Variants in TMEM80 observed in about 807,000 individuals in gnomAD.
TMEM80 encodes the protein transmembrane protein 80.
A neutral mutation model predicts 13.6 loss-of-function variants in TMEM80; 16 were observed. The observed-to-expected ratio is 1.17, with a 90% confidence interval of 0.79 to 1.78. The LOEUF (loss-of-function observed/expected upper bound fraction) is 1.78, where lower values mean the gene tolerates loss of function less well. Among genes scored for constraint, TMEM80 ranks in the 40% most tolerant of loss-of-function variants. TMEM80 has a pLI of 0.00. For missense variants in TMEM80, 167 were observed against 184.6 expected, an observed-to-expected ratio of 0.90 and a Z score of 0.55; for synonymous variants, 92 against 89.5, an observed-to-expected ratio of 1.03 and a Z score of -0.16.
downstream of TMEM80, chr11:704,380 G>A (rs1455239280): frequency 5.3e-6 from 6 of 1,133,490 alleles, no homozygotes; most frequent in Admixed American, 9.3e-5. Context: ...TGTCTTCGTG[G>A]AAGCGGTGGG....
In TMEM80 at chr11:695,857, G is replaced by T. The variant is rs1263532430; in HGVS notation, c.19+11G>T. On this transcript the variant is annotated intron_variant, in intron 1 of 4. Transcript: ENST00000397510. ...CGGCCCCGCGGCGAGGTGAGCTCGG[G>T]CGGGGTGGGGGCTTCCGGGCTTGCA... is the stretch of plus-strand genomic sequence containing the variant. The T allele has an allele frequency of 1.1e-5, 13 of 1,228,856 alleles. No homozygotes were observed. The highest frequency in any genetic ancestry group is 6.2e-4 in the Middle Eastern group (2 of 3,206). The allele number at this position is 1,228,856 out of a possible 1,614,324, so 76.1% of individuals were successfully genotyped here.
intron 4 of TMEM80, 169 bp downstream of exon 4, chr11:700,876 C>G: frequency 1.5e-6 from 1 of 673,030 alleles, no homozygotes; most frequent in South Asian, 1.7e-5. Flanking sequence ...AAGTATTAAT[C>G]AAGAAGTTTT....
At chr11:698,251 CAA>C (rs1257389486) in intron 1 of TMEM80, among the ~76,000 whole-genome samples, 2 of 150,486 alleles carry the variant, frequency 1.3e-5, no homozygotes, top group African/African-American at 4.9e-5. Context: ...ACCTCAGAAT[CAA>C]AAAGGAGGAA....
intron 3 of TMEM80, 68 bp from the exon 4 acceptor site, chr11:700,547 G>T: frequency 6.6e-6 from 8 of 1,213,254 alleles, no homozygotes; most frequent in Non-Finnish European, 9.6e-6. Context: ...AAAAGGAAAA[G>T]GCAAGCTGAG....
chr11:702,873 C>A, intron 4 of TMEM80, 72 bp from the exon 5 acceptor site: 1 of 1,452,350 alleles, frequency 6.9e-7, no homozygotes, highest in Non-Finnish European at 9.4e-7. Context: ...AGCAGCCCTC[C>A]AGGCACCTGT....
Position 702,985 on chromosome 11 carries a change from C to T in TMEM80, c.267C>T (p.Ala89=), listed in dbSNP as rs775423041. ...GNLTEAERPL[A]ASLALTAGTA... is the part of the protein sequence containing the mutation. The stretch of plus-strand genomic sequence containing the variant: ...TGACAGAGGCTGAGAGGCCGCTGGC[C>T]GCCAGCCTGGCCCTCACGGCTGGCA... Residue 89 remains alanine (A), a synonymous_variant, in exon 5 of 5, where the codon GCC becomes GCT. Transcript: ENST00000397510. 1.6e-5 allele frequency: 26 copies of T among 1,610,782 alleles called. No individual in the cohort carries two copies. The highest frequency in any genetic ancestry group is 2.7e-5 in the African/African-American group (2 of 74,900).
chr11:699,843 G>A (rs1324794504), intron 2 of TMEM80: 1 of 348,670 alleles, frequency 2.9e-6, no homozygotes, highest in Non-Finnish European at 5.2e-6. Flanking sequence ...ATGCCAGTGT[G>A]TGGAGGCTGT....
At chr11:701,025 C>G in intron 4 of TMEM80, 1 of 424,424 alleles carries the variant, frequency 2.4e-6, no homozygotes, top group East Asian at 4.7e-5. Context: ...CCGGAATATT[C>G]ACCAGCACCC....
chr11:704,142 T>C (rs1861620755), downstream of TMEM80: 2 of 1,119,776 alleles, frequency 1.8e-6, no homozygotes, highest in Non-Finnish European at 2.2e-6. Context: ...CTCCTAATTA[T>C]GGCCACCTCC....
Position 698,907 on chromosome 11 carries a change from C to G in TMEM80, c.39+19C>G. The G allele has an allele frequency of 6.2e-7, 1 of 1,614,066 alleles. No homozygotes were observed. Among genetic ancestry groups the G allele is most frequent in the Non-Finnish European group, 8.5e-7 (1 of 1,180,028 alleles). ...CACAGTGGTATCCTGCTGCGTGCCC[C>G]TCCAGGACAGCACCCAGAGGCCCGA... is the stretch of plus-strand genomic sequence containing the variant. On this transcript the variant is annotated intron_variant, in intron 2 of 4. Transcript: ENST00000397510.
downstream of TMEM80, chr11:704,201 T>C: frequency 9.9e-7 from 1 of 1,013,866 alleles, no homozygotes; most frequent in Non-Finnish European, 1.3e-6. Flanking sequence ...ACACCCCACT[T>C]GCCAGCTGGT....
chr11:700,731 A>G (rs1426656190), intron 4 of TMEM80, 24 bp downstream of exon 4: 2 of 1,585,904 alleles, frequency 1.3e-6, no homozygotes, highest in Non-Finnish European at 1.7e-6. Flanking sequence ...TAACACCGTG[A>G]AGAACCTGTC....
At chr11:697,756 G>C (rs532593788) in intron 1 of TMEM80, 2 of 152,256 alleles carry the variant, frequency 1.3e-5, no homozygotes, top group Non-Finnish European at 2.9e-5. Flanking sequence ...AGAGTGGCCT[G>C]CCGGGAACGC....
chr11:704,530 G>T (rs1477875129), downstream of TMEM80: 9 of 1,289,318 alleles, frequency 7.0e-6, no homozygotes, highest in Non-Finnish European at 9.1e-6. Flanking sequence ...ACCAGCGCCT[G>T]CACTCGCAGA....
In TMEM80 at chr11:703,362, G is replaced by A. The variant is rs536830590; in HGVS notation, c.*212G>A. 19 of 1,394,758 alleles carry A rather than the reference G, an allele frequency of 1.4e-5. No homozygotes were observed. The highest frequency in any genetic ancestry group is 5.8e-5 in the African/African-American group (4 of 68,838). The allele number at this position is 1,394,758 out of a possible 1,614,324, so 86.4% of individuals were successfully genotyped here. Reference sequence around the variant, plus strand: ...AGGCCCTGGTGTTGGGAACAGCTGCGGGGAGGGTAGGGACCAGACAGAACT... The same window carrying A: ...AGGCCCTGGTGTTGGGAACAGCTGCAGGGAGGGTAGGGACCAGACAGAACT... On this transcript the variant is annotated 3_prime_UTR_variant, in exon 5 of 5. Coordinates refer to ENST00000397510, the MANE Select transcript of TMEM80 (RefSeq NM_001042463.3).
At chr11:700,352 C>T (rs1216420961) in intron 3 of TMEM80, 117 bp downstream of exon 3, 1 of 961,344 alleles carries the variant, frequency 1.0e-6, no homozygotes, top group Non-Finnish European at 1.6e-6. Flanking sequence ...CATGGGGAAA[C>T]CCCATCTCTA....
Position 703,436 on chromosome 11 carries a change from T to A in TMEM80, c.*286T>A. The A allele has an allele frequency of 7.7e-7, 1 of 1,292,600 alleles. No homozygotes were observed. The highest frequency in any genetic ancestry group is 1.5e-5 in the African/African-American group (1 of 65,910). The allele number at this position is 1,292,600 out of a possible 1,614,324, so 80.1% of individuals were successfully genotyped here. On this transcript the variant is annotated 3_prime_UTR_variant, in exon 5 of 5. Transcript: ENST00000397510. ...CGCACACTCAGCCCTGTCAGTGGGG[T>A]CTGGCTTTAGCAGCCAGGCCTCCAC...
intron 4 of TMEM80, chr11:701,052 C>A: frequency 2.8e-6 from 1 of 359,570 alleles, no homozygotes; most frequent in South Asian, 2.7e-5. Flanking sequence ...TTCCCCTTGC[C>A]CTTAGCTGTC....
chr11:695,974 C>T (rs1054748680), intron 1 of TMEM80, 128 bp downstream of exon 1: 2 of 754,472 alleles, frequency 2.7e-6, no homozygotes, highest in African/African-American at 3.7e-5. Context: ...GTGAGCGAGA[C>T]AGCTCCGTCA....
Sources: gnomAD v4.1 joint callset for allele counts (sites outside exome capture counted in the v4.1 genomes callset) on GRCh38, gnomAD v4.1.1 for gene constraint, MANE v1.5 for transcripts, NCBI Gene and HGNC (gene_info 2026-07-23, HGNC 2026-07-21) for gene names.